Variants in DEPDC1B observed in about 807,000 individuals in gnomAD.
DEPDC1B encodes the protein DEP domain-containing protein 1B.
A neutral mutation model predicts 66.5 loss-of-function variants in DEPDC1B; 51 were observed. That is an observed-to-expected ratio of 0.77 (90% CI 0.61 to 0.97). The LOEUF (loss-of-function observed/expected upper bound fraction) is 0.97. Among genes scored for constraint, DEPDC1B ranks in the 50% least tolerant of loss-of-function variants. The pLI is 0.00. For synonymous variants in DEPDC1B, 226 were observed against 223.6 expected (o/e 1.01, Z -0.10); for missense variants, 552 against 637.1 (o/e 0.87, Z 1.44).
intron 1 of DEPDC1B, among the ~76,000 whole-genome samples, chr5:60,696,164 T>C (rs975193291): frequency 1.3e-5 from 2 of 152,194 alleles, no homozygotes; most frequent in Non-Finnish European, 2.9e-5. Context: ...CTCAGAATTT[T>C]ACTCTTCAGC....
At chr5:60,644,130 G>T (rs1351227871) in intron 5 of DEPDC1B, among the ~76,000 whole-genome samples, 1 of 152,158 alleles carries the variant, frequency 6.6e-6, no homozygotes, top group Non-Finnish European at 1.5e-5. Flanking sequence ...TCCACAGAAA[G>T]ATTTAAAATC....
At chr5:60,690,863 T>C (rs1293412585) in intron 1 of DEPDC1B, among the ~76,000 whole-genome samples, 2 of 152,270 alleles carry the variant, frequency 1.3e-5, no homozygotes, top group African/African-American at 2.4e-5. Context: ...GAGAAACTAT[T>C]ATCCTATTTC....
chr5:60,653,468 TTTGA>T (rs1298974357), intron 2 of DEPDC1B, among the ~76,000 whole-genome samples: 2 of 152,184 alleles, frequency 1.3e-5, no homozygotes, highest in African/African-American at 4.8e-5. Context: ...ATCTTGCTGG[TTTGA>T]TTGAGTTCCT....
At chr5:60,630,492 A>G in intron 7 of DEPDC1B, 1 of 152,282 alleles carries the variant, frequency 6.6e-6, no homozygotes, top group Admixed American at 6.5e-5. Flanking sequence ...CATCTGCAAC[A>G]GGCACTGTGC....
chr5:60,603,418 C>G lies in DEPDC1B; in HGVS notation c.1215G>C (p.Glu405Asp), dbSNP rs371169530. Residue 405 changes from glutamate to aspartate, a missense_variant, in exon 9 of 11, where the codon GAG becomes GAC. Physicochemically the swap from Glu to Asp is conservative, Grantham distance 45 (BLOSUM62 2). Coordinates refer to ENST00000265036, the MANE Select transcript of DEPDC1B (RefSeq NM_018369.3). ...GGACTCTTCGTAGATGAGCCACACG[C>G]TCCTCTATAGAGGTCTGCAAGGCCA... ...VPLALQTSIEERVAHLRRVQI... is the reference protein window; with the variant it reads ...VPLALQTSIEDRVAHLRRVQI... 24 of 1,593,898 alleles carry G rather than the reference C, an allele frequency of 1.5e-5. No homozygotes were observed. Among genetic ancestry groups the G allele is most frequent in the Non-Finnish European group, 2.0e-5 (24 of 1,173,900 alleles).
At chr5:60,611,504 C>A (rs992256187) in intron 7 of DEPDC1B, among the ~76,000 whole-genome samples, 1 of 152,220 alleles carries the variant, frequency 6.6e-6, no homozygotes, top group Non-Finnish European at 1.5e-5. Flanking sequence ...AGAGAAGTCA[C>A]AAGCTAGGCC....
intron 7 of DEPDC1B, among the ~76,000 whole-genome samples, chr5:60,627,823 A>G (rs1296518686): frequency 6.6e-6 from 1 of 152,188 alleles, no homozygotes; most frequent in Non-Finnish European, 1.5e-5. Flanking sequence ...AAAAGATAGG[A>G]GGAAAGTATT....
chr5:60,667,541 A>G (rs180839820), intron 2 of DEPDC1B, among the ~76,000 whole-genome samples: 1 of 142,244 alleles, frequency 7.0e-6, no homozygotes, highest in African/African-American at 2.6e-5. Flanking sequence ...ACATATATAT[A>G]AAAAATGGAT....
Position 60,687,234 on chromosome 5 carries a change from G to C in DEPDC1B, c.49-7C>G. ...GCTCCACGGTCTCATTCCACTAGGGGAAAGAAAGAGAATGGCATTTAGTAA... is the reference window on the plus strand; with the variant it reads ...GCTCCACGGTCTCATTCCACTAGGGCAAAGAAAGAGAATGGCATTTAGTAA... On this transcript the variant is annotated splice_region_variant and splice_polypyrimidine_tract_variant and intron_variant, in intron 1 of 10. Coordinates refer to ENST00000265036, the MANE Select transcript of DEPDC1B (RefSeq NM_018369.3). 1.3e-6 allele frequency: 2 copies of C among 1,594,822 alleles called. No homozygotes were observed. The highest frequency in any genetic ancestry group is 2.3e-5 in the East Asian group (1 of 44,378).
chr5:60,645,660 G>T (rs377181072), intron 3 of DEPDC1B, 41 bp from the exon 4 acceptor site: 2 of 1,569,330 alleles, frequency 1.3e-6, no homozygotes, highest in Non-Finnish European at 8.6e-7. Context: ...AAGGAGAAAC[G>T]GTAGAAAGAC....
intron 2 of DEPDC1B, among the ~76,000 whole-genome samples, chr5:60,668,064 TATATATATAAAATGGATATTTTA>T (rs1753923313): frequency 1.9e-5 from 2 of 103,788 alleles, no homozygotes; most frequent in Non-Finnish European, 3.6e-5. Context: ...GGATATTTTA[TATATATATAAAATGGATATTTTA>T]TATATATATA....
chr5:60,644,785 A>C lies in DEPDC1B; in HGVS notation c.669T>G (p.Ser223Arg). 6.2e-7 allele frequency: 1 copy of C among 1,608,476 alleles called. No individual in the cohort carries two copies. Among genetic ancestry groups the C allele is most frequent in the Non-Finnish European group, 8.5e-7 (1 of 1,177,646 alleles). ...NSKFIIHNVYSVSKQGVVILD... is the reference protein window; with the variant it reads ...NSKFIIHNVYRVSKQGVVILD... Reference sequence around the variant, plus strand: ...GAATAACAACTCCCTGCTTGCTAACACTATATACATTATGGATGATGAACT... The same window carrying C: ...GAATAACAACTCCCTGCTTGCTAACCCTATATACATTATGGATGATGAACT... The change falls in exon 5 of 11, where the codon AGT becomes AGG. Residue 223 changes from serine (S) to arginine (R), a missense_variant. Physicochemically the swap from Ser to Arg is moderately radical, Grantham distance 110. Coordinates refer to ENST00000265036, the MANE Select transcript of DEPDC1B (RefSeq NM_018369.3).
chr5:60,645,455 A>C (rs748016377), intron 4 of DEPDC1B, 37 bp downstream of exon 4: 1 of 1,531,514 alleles, frequency 6.5e-7, no homozygotes, highest in South Asian at 1.3e-5. Flanking sequence ...AGGAAACAAT[A>C]TCTCTAAAAT....
At chr5:60,608,381 T>C (rs981873042) in intron 7 of DEPDC1B, among the ~76,000 whole-genome samples, 1 of 151,376 alleles carries the variant, frequency 6.6e-6, no homozygotes, top group Non-Finnish European at 1.5e-5. Flanking sequence ...CCACATTTCC[T>C]AGTATAATAC....
chr5:60,597,779 GA>G lies in DEPDC1B; in HGVS notation c.1563del (p.Gln522LysfsTer26). Reference sequence around the variant, plus strand: ...TACATTCGAAAACTTCTAGTTCTTTGAAATGGTTGGAAAGGCTTCTTTAGTG... The same window carrying G: ...TACATTCGAAAACTTCTAGTTCTTTGAATGGTTGGAAAGGCTTCTTTAGTG... The part of the protein sequence containing the change: ...MWALKKPFQP[F>X]QRTRSFRM On this transcript the variant is annotated frameshift_variant, in exon 11 of 11. Transcript: ENST00000265036. LOFTEE classifies it high-confidence loss of function. 6.2e-7 allele frequency: 1 copy of G among 1,612,748 alleles called. No homozygotes were observed. The highest frequency in any genetic ancestry group is 8.5e-7 in the Non-Finnish European group (1 of 1,179,476).
intron 6 of DEPDC1B, among the ~76,000 whole-genome samples, chr5:60,640,969 T>C (rs947995176): frequency 1.3e-5 from 2 of 152,242 alleles, no homozygotes; most frequent in Admixed American, 1.3e-4. Context: ...CCACCTTTAT[T>C]TGTTTGACAC....
chr5:60,688,215 A>C (rs1436586335), intron 1 of DEPDC1B, among the ~76,000 whole-genome samples: 2 of 152,130 alleles, frequency 1.3e-5, no homozygotes, highest in East Asian at 3.9e-4. Flanking sequence ...CTTACATGCA[A>C]AACAAAGCTT....
intron 2 of DEPDC1B, among the ~76,000 whole-genome samples, chr5:60,685,719 AG>A (rs1754397346): frequency 6.6e-6 from 1 of 152,228 alleles, no homozygotes; most frequent in Non-Finnish European, 1.5e-5. Context: ...AAATCTTGAT[AG>A]GGTACAAGCA....
At chr5:60,610,711 A>G (rs1045186426) in intron 7 of DEPDC1B, among the ~76,000 whole-genome samples, 1 of 152,208 alleles carries the variant, frequency 6.6e-6, no homozygotes, top group Admixed American at 6.5e-5. Context: ...CACCATGTGT[A>G]ATTCAGAAAG....
Sources: gnomAD v4.1 joint callset for allele counts (sites outside exome capture counted in the v4.1 genomes callset) on GRCh38, gnomAD v4.1.1 for gene constraint, MANE v1.5 for transcripts, NCBI Gene and HGNC (gene_info 2026-07-23, HGNC 2026-07-21) for gene names.